Variants in AOC1 observed in about 807,000 individuals in gnomAD.
AOC1 encodes diamine oxidase [copper-containing].
Under a neutral mutation model 57.1 loss-of-function variants are expected in AOC1, and 58 were observed. That is an observed-to-expected ratio of 1.02 (90% CI 0.82 to 1.26). AOC1 has a LOEUF of 1.26. Ranked by LOEUF, AOC1 falls within the 50% of genes most tolerant of loss-of-function variation. The pLI is 0.00. For synonymous variants in AOC1, 401 were observed against 423.4 expected, an observed-to-expected ratio of 0.95 and a Z score of 0.65; for missense variants, 917 against 1,005.3, an observed-to-expected ratio of 0.91 and a Z score of 1.19.
At position 150,857,166 on chromosome 7, in the gene AOC1, C is replaced by T. The variant is rs759454839; in HGVS notation, c.696C>T (p.Ala232=). ...DHGSTDAGHW[A]VEQVWYNGKF... is the part of the protein sequence containing the mutation. Reference sequence around the variant, plus strand: ...GGAGCACAGATGCTGGGCACTGGGCCGTGGAGCAGGTGTGGTACAACGGGA... The same window carrying T: ...GGAGCACAGATGCTGGGCACTGGGCTGTGGAGCAGGTGTGGTACAACGGGA... Residue 232 remains alanine, a synonymous_variant, in exon 2 of 5, where the codon GCC becomes GCT. Coordinates refer to ENST00000360937, the MANE Select transcript of AOC1 (RefSeq NM_001091.4). The surrounding 1 kb of genome is among the most constrained non-coding windows in gnomAD (Gnocchi z 6.6). 7 of 1,613,720 alleles carry T rather than the reference C, an allele frequency of 4.3e-6. No homozygotes were observed. The highest frequency in any genetic ancestry group is 2.2e-5 in the South Asian group (2 of 91,066).
At position 150,857,167 on chromosome 7, in the gene AOC1, G is replaced by T. The variant is rs201353384; in HGVS notation, c.697G>T (p.Val233Leu). ...HGSTDAGHWA[V>L]EQVWYNGKFY... The stretch of plus-strand genomic sequence containing the variant: ...GAGCACAGATGCTGGGCACTGGGCC[G>T]TGGAGCAGGTGTGGTACAACGGGAA... The change falls in exon 2 of 5, where the codon GTG becomes TTG. Residue 233 changes from valine to leucine, a missense_variant. Coordinates refer to ENST00000360937, the MANE Select transcript of AOC1 (RefSeq NM_001091.4). This position sits in a 1 kb window ranked among gnomAD's most constrained non-coding sequence, Gnocchi z 6.6. 1.9e-6 allele frequency: 3 copies of T among 1,613,794 alleles called. No homozygotes were observed. In the East Asian group the frequency reaches 6.7e-5, roughly 36 times the overall value.
At position 150,861,388 on chromosome 7, in the gene AOC1, A is replaced by G. The variant is rs549299833; in HGVS notation, c.*179A>G. 5.2e-5 allele frequency: 34 copies of G among 651,154 alleles called. 1 individual carries two copies. Among genetic ancestry groups the G allele is most frequent in the Admixed American group, 1.5e-4 (5 of 32,896 alleles). 40.3% of individuals were successfully genotyped at this position (651,154 alleles called of 1,614,324 possible). A position where few individuals can be genotyped will look rare whatever the true frequency, so the allele number is the denominator to read the frequency against. ...CACAGACGTGCACACACACACAGAC[A>G]TGCACACACACACAGACGTGCACAC... On this transcript the variant is annotated 3_prime_UTR_variant, in exon 5 of 5. Coordinates refer to ENST00000360937, the MANE Select transcript of AOC1 (RefSeq NM_001091.4). This position sits in a 1 kb window ranked among gnomAD's most constrained non-coding sequence, Gnocchi z 4.5.
rs779277040 is a variant in AOC1, at chr7:150,852,931, C to T, written c.-17+373C>T. Among the ~76,000 whole-genome samples, 11 of 152,182 alleles carry T rather than the reference C, an allele frequency of 7.2e-5. No homozygotes were observed. The highest frequency in any genetic ancestry group is 1.5e-4 in the Non-Finnish European group (10 of 67,998). On this transcript the variant is annotated intron_variant, in intron 1 of 4. Transcript: ENST00000360937. This position sits in a 1 kb window ranked among gnomAD's most constrained non-coding sequence, Gnocchi z 4.6. ...TCCTTCCTGGAAAAGCAAAAAGAAA[C>T]GTGGGTATAAGAGGTTGTAAAAAAG...
At position 150,860,477 on chromosome 7, in the gene AOC1, AGCTG is replaced by A; in HGVS notation, c.1857-23_1857-20del. On this transcript the variant is annotated intron_variant, in intron 3 of 4. Coordinates refer to ENST00000360937, the MANE Select transcript of AOC1 (RefSeq NM_001091.4). The stretch of plus-strand genomic sequence containing the variant: ...GGGGCCAGCCCAGGGCCCTGAGCCA[AGCTG>A]CTTCGCCTGTGCCTGGCAGGTACCC... 6.2e-7 allele frequency: 1 copy of A among 1,613,614 alleles called. No homozygotes were observed. The highest frequency in any genetic ancestry group is 1.1e-5 in the South Asian group (1 of 91,076).
intron 2 of AOC1, among the ~76,000 whole-genome samples, chr7:150,858,459 C>A (rs2301257): frequency 6.6e-6 from 1 of 151,960 alleles, no homozygotes; most frequent in Non-Finnish European, 1.5e-5. Context: ...CAGGACCACA[C>A]GGGCGGCTCC....
chr7:150,860,948 G>C lies in AOC1; in HGVS notation c.1995G>C (p.Leu665=), dbSNP rs767432638. Reference sequence around the variant, plus strand: ...GCCCACCCTGTCTCCTGCAGGACCTGGTGGCCTGGGTGACGGTGGGCTTCC... The same window carrying C: ...GCCCACCCTGTCTCCTGCAGGACCTCGTGGCCTGGGTGACGGTGGGCTTCC... ...HNNENIENED[L]VAWVTVGFLH... Residue 665 remains leucine (L), a synonymous_variant, in exon 5 of 5, where the codon CTG becomes CTC. Transcript: ENST00000360937. 1.2e-6 allele frequency: 2 copies of C among 1,611,824 alleles called. No homozygotes were observed. The highest frequency in any genetic ancestry group is 2.2e-5 in the South Asian group (2 of 91,008).
chr7:150,861,309 G>T lies in AOC1; in HGVS notation c.*100G>T, dbSNP rs959272795. On this transcript the variant is annotated 3_prime_UTR_variant, in exon 5 of 5. Transcript: ENST00000360937. The surrounding 1 kb of genome is among the most constrained non-coding windows in gnomAD (Gnocchi z 4.5). ...AGCCTCGCTCTGTGTGCTGCTTCTT[G>T]CGGGGAGGCACAGGGCCATGTGTGT... The T allele has an allele frequency of 6.3e-5, 86 of 1,374,634 alleles. No homozygotes were observed. Among genetic ancestry groups the T allele is most frequent in the Middle Eastern group, 1.9e-4 (1 of 5,396 alleles). The allele number at this position is 1,374,634 out of a possible 1,614,324, so 85.2% of individuals were successfully genotyped here. A position where few individuals can be genotyped will look rare whatever the true frequency, so the allele number is the denominator to read the frequency against.
intron 1 of AOC1, among the ~76,000 whole-genome samples, chr7:150,853,150 G>A (rs1360251906): frequency 1.3e-5 from 2 of 152,182 alleles, no homozygotes; most frequent in African/African-American, 4.8e-5. Flanking sequence ...AAGATTTTGG[G>A]GGAGGTGGAA....
rs190863344 is a variant in AOC1, at chr7:150,856,647, C to T, written c.177C>T (p.Ser59=). The part of the protein sequence containing the change: ...WSKKELRLQP[S]STTTMAKNTV... ...AGAAGGAGCTGAGGCTGCAGCCCTC[C>T]AGTACCACCACCATGGCCAAGAACA... is the stretch of plus-strand genomic sequence containing the variant. Residue 59 remains serine (S), a synonymous_variant, in exon 2 of 5, where the codon TCC becomes TCT. Transcript: ENST00000360937. The surrounding 1 kb of genome is among the most constrained non-coding windows in gnomAD (Gnocchi z 5.2). The T allele has an allele frequency of 2.8e-5, 46 of 1,614,152 alleles. No individual in the cohort carries two copies. The East Asian group carries it at 1.0e-3, about 35-fold the overall frequency.
chr7:150,856,470 G>A lies in AOC1; in HGVS notation c.-1G>A. 2 of 1,611,094 alleles carry A rather than the reference G, an allele frequency of 1.2e-6. No homozygotes were observed. The highest frequency in any genetic ancestry group is 2.2e-5 in the East Asian group (1 of 44,862). Reference sequence around the variant, plus strand: ...TGCATTCCAGAGCCGTGGAGCGAGAGATGCCGGCCCTGGGCTGGGCCGTGG... The same window carrying A: ...TGCATTCCAGAGCCGTGGAGCGAGAAATGCCGGCCCTGGGCTGGGCCGTGG... On this transcript the variant is annotated 5_prime_UTR_variant, in exon 2 of 5. Coordinates refer to ENST00000360937, the MANE Select transcript of AOC1 (RefSeq NM_001091.4). The surrounding 1 kb of genome is among the most constrained non-coding windows in gnomAD (Gnocchi z 5.2).
rs1472164817 is a variant in AOC1, at chr7:150,861,342, A to T, written c.*133A>T. ...GCACAGGGCCATGTGTGTAGGAAAC[A>T]CACGAACAGACGTGCACACACACAG... On this transcript the variant is annotated 3_prime_UTR_variant, in exon 5 of 5. Coordinates refer to ENST00000360937, the MANE Select transcript of AOC1 (RefSeq NM_001091.4). The surrounding 1 kb of genome is among the most constrained non-coding windows in gnomAD (Gnocchi z 4.5). The T allele has an allele frequency of 2.8e-6, 3 of 1,065,930 alleles. No homozygotes were observed. Among genetic ancestry groups the T allele is most frequent in the Non-Finnish European group, 3.9e-6 (3 of 763,794 alleles). The allele number at this position is 1,065,930 out of a possible 1,614,324, so 66.0% of individuals were successfully genotyped here.
At chr7:150,853,281 G>A (rs1799672046) in intron 1 of AOC1, among the ~76,000 whole-genome samples, 1 of 152,134 alleles carries the variant, frequency 6.6e-6, no homozygotes, top group African/African-American at 2.4e-5. Flanking sequence ...AGAGTGATGT[G>A]CAGGTTCATC....
intron 3 of AOC1, 145 bp from the exon 4 acceptor site, chr7:150,860,356 C>T: frequency 7.0e-7 from 1 of 1,431,596 alleles, no homozygotes; most frequent in African/African-American, 1.4e-5. Context: ...AGCAGCCCGT[C>T]CTGCTGACTC....
chr7:150,857,577 C>T lies in AOC1; in HGVS notation c.1107C>T (p.Thr369=), dbSNP rs1361586718. 6.2e-7 allele frequency: 1 copy of T among 1,614,036 alleles called. No homozygotes were observed. ...YGGHTPAGMQ[T]KYLDVGWGLG... ...GACACACACCTGCAGGCATGCAGACCAAGTACCTCGATGTCGGCTGGGGCC... is the reference window on the plus strand; with the variant it reads ...GACACACACCTGCAGGCATGCAGACTAAGTACCTCGATGTCGGCTGGGGCC... Residue 369 remains threonine (T), a synonymous_variant, in exon 2 of 5, where the codon ACC becomes ACT. Transcript: ENST00000360937. The surrounding 1 kb of genome is among the most constrained non-coding windows in gnomAD (Gnocchi z 6.6).
intron 1 of AOC1, chr7:150,854,109 C>T (rs1314609333): frequency 1.3e-5 from 2 of 152,196 alleles, no homozygotes; most frequent in Admixed American, 1.3e-4. Flanking sequence ...ACCTCATATC[C>T]TTCCTGCTGG....
intron 2 of AOC1, 97 bp from the exon 3 acceptor site, chr7:150,858,666 G>T (rs1799867981): frequency 7.5e-7 from 1 of 1,325,284 alleles, no homozygotes; most frequent in Non-Finnish European, 1.0e-6. Context: ...ACAGTTGGCT[G>T]TTGGATGTGG....
intron 3 of AOC1, 50 bp downstream of exon 3, chr7:150,859,098 G>A (rs1194167400): frequency 6.8e-7 from 1 of 1,471,428 alleles, no homozygotes; most frequent in East Asian, 2.4e-5. Flanking sequence ...TTCCCTCAGT[G>A]TGTGTGTCTG....
At chr7:150,860,669 C>G in intron 4 of AOC1, 36 bp downstream of exon 4, 1 of 1,602,400 alleles carries the variant, frequency 6.2e-7, no homozygotes, top group Non-Finnish European at 8.5e-7. Context: ...CGGTGCTGGC[C>G]CTGCCTCCTT....
chr7:150,857,188 G>A lies in AOC1; in HGVS notation c.718G>A (p.Gly240Arg), dbSNP rs780112757. ...HWAVEQVWYN[G>R]KFYGSPEELA... ...GGCCGTGGAGCAGGTGTGGTACAAC[G>A]GGAAGTTCTATGGGAGCCCAGAGGA... Residue 240 changes from glycine to arginine, a missense_variant, in exon 2 of 5, where the codon GGG becomes AGG. Gly to Arg is a moderately radical substitution (Grantham distance 125). Coordinates refer to ENST00000360937, the MANE Select transcript of AOC1 (RefSeq NM_001091.4). The surrounding 1 kb of genome is among the most constrained non-coding windows in gnomAD (Gnocchi z 6.6). 5.0e-6 allele frequency: 8 copies of A among 1,613,166 alleles called. No homozygotes were observed. Among genetic ancestry groups the A allele is most frequent in the South Asian group, 2.2e-5 (2 of 91,018 alleles).
Sources: allele counts gnomAD v4.1 joint callset (sites outside exome capture counted in the v4.1 genomes callset), GRCh38; gene constraint gnomAD v4.1.1; non-coding constraint Gnocchi (gnomAD v3.1); transcripts MANE v1.5; gene names NCBI Gene and HGNC (gene_info 2026-07-23, HGNC 2026-07-21).